Variants in FRY observed in about 807,000 individuals in gnomAD.
FRY encodes protein furry homolog.
FRY carries 128 observed loss-of-function variants against 348.4 expected under a neutral mutation model. That is an observed-to-expected ratio of 0.37 (90% CI 0.32 to 0.43). The LOEUF is 0.43. FRY is among the 20% of genes least tolerant of loss of function. The pLI, the probability that FRY is intolerant of heterozygous loss-of-function variation, is 1.00. For synonymous variants in FRY, 1,370 were observed against 1,374.7 expected (o/e 1.00, Z 0.08); for missense variants, 2,736 against 3,695.2 (o/e 0.74, Z 6.73).
At position 32,059,148 on chromosome 13, in the gene FRY, A is replaced by G. The variant is rs148811674; in HGVS notation, c.71-19686A>G. Among the ~76,000 whole-genome samples the G allele has an allele frequency of 2.1e-4, 32 of 152,168 alleles. No homozygotes were observed. The East Asian group carries it at 4.8e-3, about 23-fold the overall frequency. ...TTTCTCTTCACTTCCCTTAGTATCT[A>G]TAAAAAGTAGGAAAGAAGAGGATAC... On this transcript the variant is annotated intron_variant, in intron 1 of 60. Coordinates refer to ENST00000542859, the MANE Select transcript of FRY (RefSeq NM_023037.3).
chr13:32,213,528 A>T (rs916493418), intron 35 of FRY, among the ~76,000 whole-genome samples: 3 of 152,250 alleles, frequency 2.0e-5, no homozygotes, highest in Non-Finnish European at 4.4e-5. Flanking sequence ...AGGTTTTTAT[A>T]TTCCACATAT....
Position 32,171,171 on chromosome 13 carries a change from G to A in FRY, c.2052G>A (p.Ser684=), listed in dbSNP as rs780810276. ...ATATGCATCACACACTCCTTGATTC[G>A]TCCCTGAAGTTGCTGCTGCAGCTGC... The part of the protein sequence containing the change: ...VNDMHHTLLD[S]SLKLLLQLLT... Residue 684 remains serine (S), a synonymous_variant, in exon 18 of 61, where the codon TCG becomes TCA. Transcript: ENST00000542859. The A allele has an allele frequency of 2.7e-5, 44 of 1,613,548 alleles. No homozygotes were observed. The highest frequency in any genetic ancestry group is 2.3e-4 in the South Asian group (21 of 91,072).
chr13:32,195,111 G>A (rs1883596564), intron 29 of FRY, among the ~76,000 whole-genome samples: 1 of 152,148 alleles, frequency 6.6e-6, no homozygotes, highest in African/African-American at 2.4e-5. Flanking sequence ...TTTGGAAGAC[G>A]TCTACTTTCA....
intron 29 of FRY, among the ~76,000 whole-genome samples, chr13:32,194,579 G>A (rs1883561241): frequency 6.6e-6 from 1 of 151,906 alleles, no homozygotes; most frequent in Non-Finnish European, 1.5e-5. Context: ...AAATGACAAA[G>A]AAGATACATT....
chr13:32,265,545 C>CA lies in FRY; in HGVS notation c.7876dup (p.Ser2626LysfsTer3). On this transcript the variant is annotated frameshift_variant, in exon 54 of 61. Coordinates refer to ENST00000542859, the MANE Select transcript of FRY (RefSeq NM_023037.3). LOFTEE classifies it high-confidence loss of function. ...TCCCAGCAGCTTTTGAATGCAGCGA[C>CA]AGCTTTAGCCTGGACATGACTGAGG... 1 of 1,614,202 alleles carries CA rather than the reference C, an allele frequency of 6.2e-7. No individual in the cohort carries two copies. The highest frequency in any genetic ancestry group is 1.1e-5 in the South Asian group (1 of 91,092).
rs141112070 is a variant in FRY at position 32,054,305 on chromosome 13, T to G, written c.70+22440T>G. ...TACTAACTAAATGGCACCACTTGCTTTGTTGTTATTAATTGTATAAATGCT... is the reference window on the plus strand; with the variant it reads ...TACTAACTAAATGGCACCACTTGCTGTGTTGTTATTAATTGTATAAATGCT... On this transcript the variant is annotated intron_variant, in intron 1 of 60. Transcript: ENST00000542859. Among the ~76,000 whole-genome samples the G allele has an allele frequency of 5.9e-5, 9 of 152,268 alleles. No individual in the cohort carries two copies. In the East Asian group the frequency reaches 1.4e-3, roughly 23 times the overall value.
intron 51 of FRY, among the ~76,000 whole-genome samples, chr13:32,255,188 A>C (rs927183060): frequency 2.0e-5 from 3 of 152,152 alleles, no homozygotes; most frequent in African/African-American, 7.2e-5. Context: ...TGGATGATGC[A>C]AAGGTGCCTC....
rs1405862868 is a variant in FRY at position 32,237,932 on chromosome 13, A to C, written c.6364A>C (p.Ser2122Arg). The change falls in exon 44 of 61, where the codon AGT (serine) becomes CGT (arginine). Residue 2122 changes from serine to arginine, a missense_variant. Physicochemically the swap from Ser to Arg is moderately radical, Grantham distance 110. Around this residue, in one of 9 missense-constraint regions of FRY, gnomAD observed 789 missense variants for 996.2 expected, o/e 0.79. Coordinates refer to ENST00000542859, the MANE Select transcript of FRY (RefSeq NM_023037.3). This position sits in a 1 kb window ranked among gnomAD's most constrained non-coding sequence, Gnocchi z 6.3. ...TTTDLTLQLF[S>R]LLTPVSKISM... ...CACAGACCTGACCCTGCAGCTCTTC[A>C]GTCTGCTGACACCAGTGTCCAAAAT... 3.7e-6 allele frequency: 6 copies of C among 1,614,066 alleles called. No homozygotes were observed. The South Asian group carries it at 6.6e-5, about 18-fold the overall frequency.
At chr13:32,115,500 TAG>T (rs1878242390) in intron 3 of FRY, among the ~76,000 whole-genome samples, 1 of 152,160 alleles carries the variant, frequency 6.6e-6, no homozygotes, top group Non-Finnish European at 1.5e-5. Context: ...CAAAAATCTT[TAG>T]AGTCTTCTCA....
intron 41 of FRY, among the ~76,000 whole-genome samples, chr13:32,233,891 C>T (rs1190477552): frequency 1.3e-5 from 2 of 152,118 alleles, no homozygotes; most frequent in Non-Finnish European, 2.9e-5. Flanking sequence ...AATTCCTTTC[C>T]CAGAGTTAGA....
chr13:32,199,811 G>A (rs189107829), intron 29 of FRY, among the ~76,000 whole-genome samples: 290 of 152,284 alleles, frequency 1.9e-3, no homozygotes, highest in African/African-American at 6.5e-3. Flanking sequence ...ATGTAAAATG[G>A]GATGTATTCA....
chr13:32,151,256 G>A (rs1339757418), intron 14 of FRY, among the ~76,000 whole-genome samples: 4 of 152,264 alleles, frequency 2.6e-5, no homozygotes, highest in East Asian at 1.9e-4. Context: ...CAGTCAGTGC[G>A]TAATTAGTTA....
intron 1 of FRY, among the ~76,000 whole-genome samples, chr13:32,045,374 A>G (rs1872968289): frequency 6.6e-6 from 1 of 152,176 alleles, no homozygotes; most frequent in Non-Finnish European, 1.5e-5. Context: ...TCCCATCTGG[A>G]GCACTCACAA....
intron 1 of FRY, among the ~76,000 whole-genome samples, chr13:32,035,497 C>G (rs1031027398): frequency 3.9e-5 from 6 of 152,134 alleles, no homozygotes; most frequent in Non-Finnish European, 7.3e-5. Context: ...GTGGATAGTT[C>G]AAGCTATTTT....
At position 32,202,434 on chromosome 13, in the gene FRY, G is replaced by C. The variant is rs200315543; in HGVS notation, c.3925G>C (p.Gly1309Arg). Residue 1309 changes from glycine (G) to arginine (R), a missense_variant, in exon 31 of 61, where the codon GGC becomes CGC. Physicochemically the swap from Gly to Arg is moderately radical, Grantham distance 125. Coordinates refer to ENST00000542859, the MANE Select transcript of FRY (RefSeq NM_023037.3). ...RPGSILYGTH[G>R]PLPPLYSVSL... ...GGGAAGTATTCTCTATGGAACACAC[G>C]GCCCGCTGCCACCCCTCTACAGCGT... The C allele has an allele frequency of 1.3e-4, 211 of 1,613,720 alleles. No homozygotes were observed. The highest frequency in any genetic ancestry group is 3.3e-4 in the Middle Eastern group (2 of 6,084).
At chr13:32,032,013 C>CT in intron 1 of FRY, 148 bp downstream of exon 1, 1 of 615,178 alleles carries the variant, frequency 1.6e-6, no homozygotes, top group Non-Finnish European at 2.8e-6. Context: ...TTCTTTCTTT[C>CT]TTTCTTTCTT....
chr13:32,108,899 A>T lies in FRY; in HGVS notation c.324+6883A>T, dbSNP rs186894211. On this transcript the variant is annotated intron_variant, in intron 3 of 60. Coordinates refer to ENST00000542859, the MANE Select transcript of FRY (RefSeq NM_023037.3). ...CAGTCTGGCAGAAGTTAAAAAAGAG[A>T]TCAGGCGGCAGAGGTAGAAAGGGAT... 3.3e-5 allele frequency among the ~76,000 whole-genome samples: 5 copies of T among 152,274 alleles called. No individual in the cohort carries two copies. In the East Asian group the frequency reaches 7.7e-4, roughly 24 times the overall value.
intron 35 of FRY, among the ~76,000 whole-genome samples, chr13:32,213,758 A>G (rs865955894): frequency 4.3e-4 from 65 of 152,218 alleles, no homozygotes; most frequent in African/African-American, 1.4e-3. Context: ...ATAGATCTCC[A>G]TGTATTACCA....
intron 14 of FRY, among the ~76,000 whole-genome samples, chr13:32,154,177 A>G (rs1880966436): frequency 6.6e-6 from 1 of 152,220 alleles, no homozygotes; most frequent in Non-Finnish European, 1.5e-5. Context: ...GTGTCTTGAG[A>G]GACACACACA....
Sources: gnomAD v4.1 joint callset for allele counts (sites outside exome capture counted in the v4.1 genomes callset) on GRCh38, gnomAD v4.1.1 for gene constraint, gnomAD v4.1.1 regional missense constraint, Gnocchi (gnomAD v3.1) non-coding constraint, MANE v1.5 for transcripts, NCBI Gene and HGNC (gene_info 2026-07-23, HGNC 2026-07-21) for gene names.